NALCN: variants seen among roughly 807,000 people sequenced by gnomAD.
The protein encoded by NALCN is sodium leak channel NALCN.
Under a neutral mutation model 225.3 loss-of-function variants are expected in NALCN, and 111 were observed. The ratio of observed to expected loss-of-function variants is 0.49; its 90% CI spans 0.42 to 0.58. The LOEUF (loss-of-function observed/expected upper bound fraction) is 0.58, where lower values mean the gene tolerates loss of function less well. Ranked by LOEUF, NALCN falls within the 20% of genes least tolerant of loss-of-function variation. The pLI is 0.00. For synonymous variants in NALCN, 764 were observed against 769.0 expected (o/e 0.99, Z 0.11); for missense variants, 1,378 against 2,202.4 (o/e 0.63, Z 7.49).
At chr13:101,066,339 C>G in intron 39 of NALCN, among the ~76,000 whole-genome samples, 1 of 151,542 alleles carries the variant, frequency 6.6e-6, no homozygotes, top group East Asian at 1.9e-4. Context: ...TAACTAACTC[C>G]TTTTCATGTC....
chr13:101,277,262 A>G (rs1370026273), intron 10 of NALCN, among the ~76,000 whole-genome samples: 1 of 152,178 alleles, frequency 6.6e-6, no homozygotes, highest in South Asian at 2.1e-4. Context: ...GGTGAAAAGT[A>G]TAATACATAA....
At chr13:101,179,830 T>C (rs2039118802) in intron 14 of NALCN, among the ~76,000 whole-genome samples, 1 of 152,130 alleles carries the variant, frequency 6.6e-6, no homozygotes, top group South Asian at 2.1e-4. Context: ...GAGTCCAAAA[T>C]TGAGTTGTCG....
At position 101,060,498 on chromosome 13, in the gene NALCN, C is replaced by T. The variant is rs2031819010; in HGVS notation, c.4756-531G>A. 2.5e-5 allele frequency among the ~76,000 whole-genome samples: 3 copies of T among 122,326 alleles called. No individual in the cohort carries two copies. In the South Asian group the frequency reaches 9.1e-4, roughly 37 times the overall value. The allele number at this position is 122,326 out of a possible 152,430, so 80.3% of individuals were successfully genotyped here. On this transcript the variant is annotated intron_variant, in intron 41 of 43. Coordinates refer to ENST00000251127, the MANE Select transcript of NALCN (RefSeq NM_052867.4). The stretch of plus-strand genomic sequence containing the variant: ...CAGAGAGGAGGTCTCACTCTGTTGC[C>T]CAAGCTAGTTTCAAACTTCTGGTCT...
chr13:101,111,154 G>T lies in NALCN; in HGVS notation c.2265C>A (p.Ser755Arg). ...GQPAKERSIL[S>R]VQHHIRQERR... The stretch of plus-strand genomic sequence containing the variant: ...GCTCTTGGCGGATATGATGCTGCAC[G>T]CTGAGGATTGACCTCTCCTTTGCGG... Residue 755 changes from serine (S) to arginine (R), a missense_variant, in exon 19 of 44, where the codon AGC (serine) becomes AGA (arginine). By Grantham distance (110) the Ser-to-Arg change is moderately radical. Transcript: ENST00000251127. 6.2e-7 allele frequency: 1 copy of T among 1,608,170 alleles called. No homozygotes were observed. The highest frequency in any genetic ancestry group is 8.5e-7 in the Non-Finnish European group (1 of 1,175,508).
intron 34 of NALCN, 88 bp from the exon 35 acceptor site, chr13:101,076,029 T>A: frequency 1.9e-6 from 2 of 1,042,400 alleles, no homozygotes; most frequent in Non-Finnish European, 2.8e-6. Context: ...TGAAGTATAC[T>A]GAATAATTAG....
chr13:101,070,061 A>ATATTTTT (rs1377492353), intron 37 of NALCN, among the ~76,000 whole-genome samples: 1 of 19,256 alleles, frequency 5.2e-5, no homozygotes, highest in Non-Finnish European at 9.8e-5. Flanking sequence ...TGAATCATGA[A>ATATTTTT]TGTTTTTTTT....
chr13:101,105,035 T>C, intron 22 of NALCN, 85 bp from the exon 23 acceptor site: 1 of 1,196,990 alleles, frequency 8.4e-7, no homozygotes. Flanking sequence ...ACATCTCATC[T>C]ACCTAAAATC....
At chr13:101,267,585 G>C (rs75711151) in intron 10 of NALCN, among the ~76,000 whole-genome samples, 42 of 152,312 alleles carry the variant, frequency 2.8e-4, no homozygotes, top group African/African-American at 9.9e-4. Context: ...AATTACTCTT[G>C]CTGCTCTTGG....
At chr13:101,246,894 A>G (rs1408677117) in intron 11 of NALCN, among the ~76,000 whole-genome samples, 1 of 152,152 alleles carries the variant, frequency 6.6e-6, no homozygotes, top group Middle Eastern at 3.2e-3. Context: ...TTTTCTAGAA[A>G]AGAGGACTCC....
At chr13:101,385,407 A>G (rs1194459188) in intron 3 of NALCN, among the ~76,000 whole-genome samples, 4 of 151,846 alleles carry the variant, frequency 2.6e-5, no homozygotes, top group African/African-American at 9.7e-5. Flanking sequence ...CCTCCCCCAT[A>G]GCTTTTACAG....
chr13:101,343,427 GAAC>G (rs909679798), intron 7 of NALCN, among the ~76,000 whole-genome samples: 15 of 152,118 alleles, frequency 9.9e-5, no homozygotes, highest in African/African-American at 2.4e-4. Flanking sequence ...TCAGGCAAAA[GAAC>G]AACAAGAAAA....
At chr13:101,140,916 C>T (rs555336140) in intron 17 of NALCN, among the ~76,000 whole-genome samples, 1 of 152,240 alleles carries the variant, frequency 6.6e-6, no homozygotes, top group African/African-American at 2.4e-5. Flanking sequence ...GCCTGGGCAA[C>T]ACAGCAAGAT....
intron 1 of NALCN, among the ~76,000 whole-genome samples, chr13:101,410,956 C>T (rs1301700243): frequency 1.3e-5 from 2 of 152,098 alleles, no homozygotes; most frequent in Non-Finnish European, 2.9e-5. Flanking sequence ...TCTTCATTTC[C>T]ATTACTGCAA....
At chr13:101,068,092 AAAGAGT>A in intron 38 of NALCN, 59 bp from the exon 39 acceptor site, 2 of 1,055,228 alleles carry the variant, frequency 1.9e-6, no homozygotes, top group South Asian at 2.9e-5. Flanking sequence ...CATATTTTAG[AAAGAGT>A]AAAACATCTA....
At chr13:101,090,749 G>A (rs2034189592) in intron 28 of NALCN, among the ~76,000 whole-genome samples, 1 of 152,134 alleles carries the variant, frequency 6.6e-6, no homozygotes, top group Non-Finnish European at 1.5e-5. Context: ...GGGTACACGT[G>A]CAGGCTTGTT....
chr13:101,209,385 T>G (rs1429011434), intron 13 of NALCN, among the ~76,000 whole-genome samples: 2 of 152,172 alleles, frequency 1.3e-5, no homozygotes, highest in African/African-American at 4.8e-5. Context: ...TCTATCAAAG[T>G]GTATATTTGC....
At chr13:101,152,212 C>A (rs1239531287) in intron 15 of NALCN, among the ~76,000 whole-genome samples, 1 of 152,146 alleles carries the variant, frequency 6.6e-6, no homozygotes, top group Admixed American at 6.6e-5. Context: ...TGATAGCTGA[C>A]ATCCAAAATG....
At chr13:101,276,772 A>G (rs1365507349) in intron 10 of NALCN, among the ~76,000 whole-genome samples, 2 of 152,124 alleles carry the variant, frequency 1.3e-5, no homozygotes, top group African/African-American at 2.4e-5. Flanking sequence ...TTCATTGACT[A>G]TCTCCATAAG....
At chr13:101,343,829 C>G (rs1230734983) in intron 7 of NALCN, among the ~76,000 whole-genome samples, 1 of 152,174 alleles carries the variant, frequency 6.6e-6, no homozygotes, top group African/African-American at 2.4e-5. Flanking sequence ...GATGAATCAA[C>G]TTGAATATAA....
Sources: allele counts gnomAD v4.1 joint callset (sites outside exome capture counted in the v4.1 genomes callset), GRCh38; gene constraint gnomAD v4.1.1; transcripts MANE v1.5; gene names NCBI Gene and HGNC (gene_info 2026-07-23, HGNC 2026-07-21).